The following HTR4 variants were observed in gnomAD, a reference collection of about 807,000 sequenced individuals.
The protein encoded by HTR4 is 5-hydroxytryptamine (serotonin) receptor 4, G protein-coupled.
A neutral mutation model predicts 36.8 loss-of-function variants in HTR4; 16 were observed. The ratio of observed to expected loss-of-function variants is 0.43; its 90% confidence interval spans 0.29 to 0.66. The LOEUF is 0.66. Among genes scored for constraint, HTR4 ranks in the 30% least tolerant of loss-of-function variants. HTR4 has a pLI of 0.13. For synonymous variants in HTR4, 189 were observed against 185.1 expected, an observed-to-expected ratio of 1.02 and a Z score of -0.17; for missense variants, 438 against 490.9, an observed-to-expected ratio of 0.89 and a Z score of 1.02.
chr5:148,502,065 GAA>G (rs796374266), intron 6 of HTR4, among the ~76,000 whole-genome samples: 2,364 of 113,668 alleles, frequency 0.021, 33 homozygotes, highest in Middle Eastern at 0.059. Context: ...GTCTCAAAAA[GAA>G]AAAAAAAAAA....
intron 4 of HTR4, among the ~76,000 whole-genome samples, chr5:148,542,682 C>G (rs1047257991): frequency 6.6e-6 from 1 of 151,830 alleles, no homozygotes; most frequent in Non-Finnish European, 1.5e-5. Context: ...AAGTAAAGGA[C>G]AAAGTACAGC....
rs533427288 is a variant in HTR4, at chr5:148,603,387, C to A, written c.26+33602G>T. On this transcript the variant is annotated intron_variant, in intron 2 of 6. Coordinates refer to ENST00000377888, the MANE Select transcript of HTR4 (RefSeq NM_000870.7). ...AAGGATAGAGGGAAATTTTTGTAAT[C>A]CCAAAGAACACCTTATAAAGATATT... 7.9e-5 allele frequency among the ~76,000 whole-genome samples: 12 copies of A among 151,910 alleles called. No homozygotes were observed. The South Asian group carries it at 2.5e-3, about 32-fold the overall frequency.
intron 2 of HTR4, among the ~76,000 whole-genome samples, chr5:148,602,164 C>T (rs1201134509): frequency 6.6e-6 from 1 of 151,994 alleles, no homozygotes; most frequent in African/African-American, 2.4e-5. Flanking sequence ...AATAATAAAT[C>T]GGGTTGGGGA....
chr5:148,649,230 A>C (rs1435696915), intron 1 of HTR4, among the ~76,000 whole-genome samples: 1 of 151,964 alleles, frequency 6.6e-6, no homozygotes, highest in African/African-American at 2.4e-5. Context: ...TTTCTGAGTA[A>C]GTGCTTAGAG....
chr5:148,456,072 G>A (rs1260245131), intron 5 of HTR4, among the ~76,000 whole-genome samples: 2 of 152,060 alleles, frequency 1.3e-5, no homozygotes, highest in African/African-American at 4.8e-5. Context: ...TCTCACCATG[G>A]TATGGTGACT....
intron 5 of HTR4, among the ~76,000 whole-genome samples, chr5:148,456,127 G>C (rs1477256832): frequency 6.6e-6 from 1 of 152,298 alleles, no homozygotes; most frequent in African/African-American, 2.4e-5. Flanking sequence ...TCCTTGGCAG[G>C]AGTCTAGCAG....
At chr5:148,635,903 C>G (rs1031602070) in intron 2 of HTR4, among the ~76,000 whole-genome samples, 1 of 152,166 alleles carries the variant, frequency 6.6e-6, no homozygotes, top group African/African-American at 2.4e-5. Context: ...AGTCCACACA[C>G]TTTTATTGAG....
At chr5:148,477,543 T>A (rs1755738244), downstream of HTR4, among the ~76,000 whole-genome samples, 1 of 152,168 alleles carries the variant, frequency 6.6e-6, no homozygotes, top group Non-Finnish European at 1.5e-5. Flanking sequence ...CTGCAGGTAA[T>A]TTCTGCATCC....
intron 2 of HTR4, among the ~76,000 whole-genome samples, chr5:148,570,192 A>G (rs1288657672): frequency 6.6e-6 from 1 of 152,132 alleles, no homozygotes; most frequent in Non-Finnish European, 1.5e-5. Flanking sequence ...AGATATAGGC[A>G]TATGTTTGTC....
chr5:148,565,093 G>A (rs1211050113), intron 2 of HTR4, among the ~76,000 whole-genome samples: 1 of 141,230 alleles, frequency 7.1e-6, no homozygotes, highest in African/African-American at 2.7e-5. Context: ...CTGGGCAACA[G>A]AGTGAGACTC....
chr5:148,497,651 T>A (rs980941767), intron 6 of HTR4, among the ~76,000 whole-genome samples: 2 of 152,186 alleles, frequency 1.3e-5, no homozygotes, highest in African/African-American at 4.8e-5. Flanking sequence ...AAGTGATTTC[T>A]ATAAAACCAA....
intron 6 of HTR4, among the ~76,000 whole-genome samples, chr5:148,491,969 T>C (rs1756471868): frequency 6.6e-6 from 1 of 152,170 alleles, no homozygotes; most frequent in East Asian, 1.9e-4. Context: ...GGCTCAGGTA[T>C]TGCTTAAGAG....
intron 2 of HTR4, among the ~76,000 whole-genome samples, chr5:148,600,806 G>A (rs1761962217): frequency 6.6e-6 from 1 of 151,082 alleles, no homozygotes; most frequent in African/African-American, 2.4e-5. Context: ...GGCGACAAAA[G>A]CAAAAATGAA....
downstream of HTR4, among the ~76,000 whole-genome samples, chr5:148,472,321 A>C (rs1755588677): frequency 6.6e-6 from 1 of 152,230 alleles, no homozygotes; most frequent in Non-Finnish European, 1.5e-5. Flanking sequence ...AAATGAAAAC[A>C]AGCAAAATGG....
intron 4 of HTR4, among the ~76,000 whole-genome samples, chr5:148,525,027 T>C (rs528646291): frequency 7.3e-4 from 111 of 152,228 alleles, no homozygotes; most frequent in African/African-American, 2.6e-3. Context: ...CTGGCAAGCT[T>C]GGTGGGGTGT....
At chr5:148,464,601 T>G (rs1179456204) in intron 5 of HTR4, among the ~76,000 whole-genome samples, 2 of 152,188 alleles carry the variant, frequency 1.3e-5, no homozygotes, top group Non-Finnish European at 2.9e-5. Flanking sequence ...CTAGCAAGAA[T>G]GAGGAGCAAC....
intron 2 of HTR4, among the ~76,000 whole-genome samples, chr5:148,567,425 C>T (rs1760490121): frequency 6.6e-6 from 1 of 152,110 alleles, no homozygotes; most frequent in Non-Finnish European, 1.5e-5. Flanking sequence ...AGAGTTATAC[C>T]TCTGAAATCA....
In HTR4 at chr5:148,509,464, A is replaced by T; in HGVS notation, c.1068T>A (p.His356Gln). 1.9e-6 allele frequency: 3 copies of T among 1,606,730 alleles called. No individual in the cohort carries two copies. The South Asian group carries it at 3.3e-5, about 18-fold the overall frequency. ...CSTTTINGST[H>Q]VLRDAVECGG... The stretch of plus-strand genomic sequence containing the variant: ...TCCCTTAGTATACTCACCTTAGTAC[A>T]TGTGTGGATCCATTAATGGTTGTGG... The change falls in exon 6 of 7, where the codon CAT (histidine) becomes CAA (glutamine). Residue 356 changes from histidine to glutamine, a missense_variant. Transcript: ENST00000377888.
chr5:148,484,714 A>G (rs1756068596), intron 6 of HTR4, among the ~76,000 whole-genome samples: 1 of 152,224 alleles, frequency 6.6e-6, no homozygotes, highest in Non-Finnish European at 1.5e-5. Context: ...AGAATATGCA[A>G]GATTTCTTCC....
Sources: gnomAD v4.1 joint callset for allele counts (sites outside exome capture counted in the v4.1 genomes callset) on GRCh38, gnomAD v4.1.1 for gene constraint, MANE v1.5 for transcripts, NCBI Gene and HGNC (gene_info 2026-07-23, HGNC 2026-07-21) for gene names.